The following FAM81A variants were observed in gnomAD, a reference collection of about 807,000 sequenced individuals.
FAM81A encodes protein FAM81A.
FAM81A carries 19 observed loss-of-function variants against 46.7 expected under a neutral mutation model. The ratio of observed to expected loss-of-function variants is 0.41; its 90% CI spans 0.28 to 0.60. The LOEUF is 0.60. FAM81A is among the 20% of genes least tolerant of loss of function. The pLI is 0.34. For synonymous variants in FAM81A, 183 were observed against 152.9 expected (o/e 1.20, Z -1.45); for missense variants, 377 against 453.5 (o/e 0.83, Z 1.53).
chr15:59,462,151 C>G (rs2081559305), intron 3 of FAM81A, among the ~76,000 whole-genome samples: 1 of 145,550 alleles, frequency 6.9e-6, no homozygotes, highest in Non-Finnish European at 1.5e-5. Flanking sequence ...TGCAGTGAGC[C>G]AAGACCATGC....
chr15:59,459,851 C>G, intron 2 of FAM81A, 82 bp from the exon 3 acceptor site: 5 of 1,454,952 alleles, frequency 3.4e-6, no homozygotes, highest in Non-Finnish European at 4.5e-6. Context: ...ATTTGTATTT[C>G]CAGACTTCTC....
intron 3 of FAM81A, among the ~76,000 whole-genome samples, chr15:59,461,919 G>A (rs1262137707): frequency 3.3e-5 from 5 of 152,090 alleles, no homozygotes; most frequent in African/African-American, 1.2e-4. Flanking sequence ...TTAAAACATA[G>A]CTGGCAGGGC....
intron 2 of FAM81A, chr15:59,406,835 C>A (rs774023006): frequency 6.7e-6 from 1 of 149,826 alleles, no homozygotes; most frequent in Non-Finnish European, 1.5e-5. Context: ...TGGCTTAGCA[C>A]AAGAAGGAAG....
intron 2 of FAM81A, among the ~76,000 whole-genome samples, chr15:59,419,596 G>A (rs530255610): frequency 2.6e-5 from 4 of 152,206 alleles, no homozygotes; most frequent in African/African-American, 4.8e-5. Context: ...ACAACAGGCC[G>A]GGCACGGTGG....
intron 7 of FAM81A, 32 bp downstream of exon 7, chr15:59,514,456 A>C: frequency 6.2e-7 from 1 of 1,605,692 alleles, no homozygotes; most frequent in Non-Finnish European, 8.5e-7. Flanking sequence ...AAATTTAGTA[A>C]AGTTATTCAG....
At chr15:59,425,841 T>C (rs1360158253) in intron 2 of FAM81A, among the ~76,000 whole-genome samples, 1 of 152,170 alleles carries the variant, frequency 6.6e-6, no homozygotes, top group African/African-American at 2.4e-5. Flanking sequence ...CCCAGGCTTG[T>C]CTTGAACTCC....
chr15:59,481,784 T>C (rs187634730), intron 3 of FAM81A, among the ~76,000 whole-genome samples: 2 of 151,994 alleles, frequency 1.3e-5, no homozygotes, highest in East Asian at 3.9e-4. Context: ...ATATATATTT[T>C]TTGGCATTGG....
At chr15:59,430,009 C>T (rs117337327) in intron 2 of FAM81A, among the ~76,000 whole-genome samples, 1 of 152,208 alleles carries the variant, frequency 6.6e-6, no homozygotes, top group East Asian at 1.9e-4. Flanking sequence ...TGTAATTTTA[C>T]TTTACCATTC....
chr15:59,401,140 G>A (rs1246695462), intron 1 of FAM81A: 6 of 719,260 alleles, frequency 8.3e-6, no homozygotes, highest in African/African-American at 3.5e-5. Context: ...ATGGCTGTTT[G>A]GTAGTATTCA....
chr15:59,404,427 A>T (rs776444566), intron 2 of FAM81A, among the ~76,000 whole-genome samples: 2 of 152,014 alleles, frequency 1.3e-5, no homozygotes, highest in Non-Finnish European at 2.9e-5. Flanking sequence ...TTGGTGTGGA[A>T]TCCTGTAGCA....
At chr15:59,428,923 A>G (rs2081207813) in intron 2 of FAM81A, among the ~76,000 whole-genome samples, 1 of 151,610 alleles carries the variant, frequency 6.6e-6, no homozygotes. Flanking sequence ...GAGCCACCAC[A>G]CCCTTCCCAT....
Position 59,468,971 on chromosome 15 carries a change from A to G in FAM81A, c.294+8765A>G, listed in dbSNP as rs537834546. Among the ~76,000 whole-genome samples the G allele has an allele frequency of 5.1e-4, 77 of 152,276 alleles. 1 individual carries two copies. The highest frequency in any genetic ancestry group is 1.8e-3 in the African/African-American group (74 of 41,552). On this transcript the variant is annotated intron_variant, in intron 3 of 8. Transcript: ENST00000288228. ...TCTGCCTTCATTTTGTTATGTACCC[A>G]GTAGTCATTCAGGAGCAAGTTGTTC...
intron 4 of FAM81A, among the ~76,000 whole-genome samples, chr15:59,506,750 C>A (rs2082153369): frequency 6.6e-6 from 1 of 151,760 alleles, no homozygotes; most frequent in Non-Finnish European, 1.5e-5. Context: ...GCAAAGCCTT[C>A]CCCTGCTCTA....
rs759425912 is a variant in FAM81A, at chr15:59,521,408, GT to G, written c.*34del. On this transcript the variant is annotated 3_prime_UTR_variant, in exon 9 of 9. Coordinates refer to ENST00000288228, the MANE Select transcript of FAM81A (RefSeq NM_152450.3). ...AGCTGGGACAAGGTCCTAAAAGACA[GT>G]TTTGCCAGTGGGGCTAGGAGCCGGA... 58 of 1,572,612 alleles carry G rather than the reference GT, an allele frequency of 3.7e-5. No individual in the cohort carries two copies. The Middle Eastern group carries it at 6.6e-4, about 18-fold the overall frequency.
At chr15:59,465,919 C>T (rs1419045909) in intron 3 of FAM81A, among the ~76,000 whole-genome samples, 1 of 152,082 alleles carries the variant, frequency 6.6e-6, no homozygotes, top group Admixed American at 6.5e-5. Flanking sequence ...TTGTTCAGTT[C>T]CCACCTGTGA....
intron 3 of FAM81A, among the ~76,000 whole-genome samples, chr15:59,471,358 A>G (rs1243943920): frequency 5.3e-5 from 8 of 152,174 alleles, no homozygotes; most frequent in Admixed American, 3.9e-4. Context: ...CCCTTTTGCC[A>G]TAGAAAGTCT....
chr15:59,505,393 T>G (rs1395937174), intron 4 of FAM81A, among the ~76,000 whole-genome samples: 2 of 151,600 alleles, frequency 1.3e-5, no homozygotes, highest in Non-Finnish European at 2.9e-5. Flanking sequence ...GTACCTGTAA[T>G]CCCAGCTACT....
At chr15:59,501,029 G>GT (rs1299327730) in intron 4 of FAM81A, among the ~76,000 whole-genome samples, 1 of 151,882 alleles carries the variant, frequency 6.6e-6, no homozygotes, top group Non-Finnish European at 1.5e-5. Context: ...TGGTTTACCT[G>GT]TTTTTTTCCG....
At chr15:59,447,807 A>G (rs1201701973) in intron 1 of FAM81A, among the ~76,000 whole-genome samples, 2 of 152,102 alleles carry the variant, frequency 1.3e-5, no homozygotes, top group South Asian at 2.1e-4. Context: ...GGGAGGGGAA[A>G]ACAGCATTAA....
Sources: allele counts gnomAD v4.1 joint callset (sites outside exome capture counted in the v4.1 genomes callset), GRCh38; gene constraint gnomAD v4.1.1; transcripts MANE v1.5; gene names NCBI Gene and HGNC (gene_info 2026-07-23, HGNC 2026-07-21).